Variants in SKAP2 observed in about 807,000 individuals in gnomAD.
The protein encoded by SKAP2 is src kinase associated phosphoprotein 2, also known as src kinase-associated phosphoprotein 2.
Under a neutral mutation model 54.9 loss-of-function variants are expected in SKAP2, and 28 were observed. The observed-to-expected ratio is 0.51, with a 90% CI of 0.38 to 0.70. The LOEUF is 0.70. Among genes scored for constraint, SKAP2 ranks in the 30% least tolerant of loss-of-function variants. The pLI is 0.00. For missense variants in SKAP2, 356 were observed against 424.1 expected, an observed-to-expected ratio of 0.84 and a Z score of 1.41; for synonymous variants, 137 against 134.3, an observed-to-expected ratio of 1.02 and a Z score of -0.14.
intron 2 of SKAP2, among the ~76,000 whole-genome samples, 186 bp downstream of exon 2, chr7:26,854,599 T>C (rs1785120831): frequency 6.6e-6 from 1 of 152,070 alleles, no homozygotes; most frequent in Non-Finnish European, 1.5e-5. Flanking sequence ...AAGGGTACTA[T>C]GATAAGCATA....
At chr7:26,680,812 T>G (rs909596930) in intron 11 of SKAP2, among the ~76,000 whole-genome samples, 5 of 152,156 alleles carry the variant, frequency 3.3e-5, no homozygotes, top group Non-Finnish European at 2.9e-5. Context: ...AGGGGCTATC[T>G]CAGCCAGGGG....
chr7:26,713,792 G>T (rs1787364223), intron 9 of SKAP2, among the ~76,000 whole-genome samples: 1 of 151,970 alleles, frequency 6.6e-6, no homozygotes. Context: ...GTAGAGACGG[G>T]GTTTCACTGT....
At chr7:26,658,117 G>A in the SKAP2 span, among the ~76,000 whole-genome samples, 3 of 152,140 alleles carry the variant, frequency 2.0e-5, no homozygotes, top group Admixed American at 2.0e-4. Context: ...CGCATGAAAA[G>A]GGGACATATC....
At chr7:26,770,487 G>A (rs768062490) in intron 4 of SKAP2, among the ~76,000 whole-genome samples, 1 of 152,098 alleles carries the variant, frequency 6.6e-6, no homozygotes, top group Non-Finnish European at 1.5e-5. Context: ...TGGTGTTCCA[G>A]GTGCCACTGG....
At chr7:26,836,412 C>A (rs1248261268) in intron 4 of SKAP2, among the ~76,000 whole-genome samples, 3 of 152,134 alleles carry the variant, frequency 2.0e-5, no homozygotes, top group African/African-American at 4.8e-5. Flanking sequence ...AGGCAACCTA[C>A]AGAATGGGAG....
At chr7:26,853,714 T>C (rs1436010967) in intron 3 of SKAP2, among the ~76,000 whole-genome samples, 5 of 152,178 alleles carry the variant, frequency 3.3e-5, no homozygotes, top group Non-Finnish European at 4.4e-5. Flanking sequence ...TCAAAAACAT[T>C]ACCTGTGAGC....
At chr7:26,706,870 C>T (rs142392043) in intron 9 of SKAP2, among the ~76,000 whole-genome samples, 39 of 152,246 alleles carry the variant, frequency 2.6e-4, no homozygotes, top group Middle Eastern at 3.4e-3. Context: ...TTAGTCTTAG[C>T]TTATAAAACC....
intron 3 of SKAP2, among the ~76,000 whole-genome samples, chr7:26,844,658 A>AT (rs1351223906): frequency 6.6e-6 from 1 of 152,184 alleles, no homozygotes; most frequent in Admixed American, 6.5e-5. Context: ...CATTTTATAC[A>AT]TTTTTAGAGA....
At chr7:26,790,361 G>A (rs1451608757) in intron 4 of SKAP2, among the ~76,000 whole-genome samples, 1 of 152,168 alleles carries the variant, frequency 6.6e-6, no homozygotes, top group Non-Finnish European at 1.5e-5. Context: ...ATGACTGACA[G>A]AAGAGCTACA....
rs1324472064 is a variant in SKAP2, at chr7:26,693,944, G to A, written c.797-3582C>T. On this transcript the variant is annotated intron_variant, in intron 9 of 12. Coordinates refer to ENST00000345317, the MANE Select transcript of SKAP2 (RefSeq NM_003930.5). ...AGAACTTGGCACAAAGGAGATGTTC[G>A]ATAAATACAGAATAAACAAATGGAT... Among the ~76,000 whole-genome samples the A allele has an allele frequency of 3.3e-5, 5 of 151,968 alleles. No individual in the cohort carries two copies. In the East Asian group the frequency reaches 7.7e-4, roughly 23 times the overall value.
At chr7:26,690,755 A>C (rs1369213531) in intron 9 of SKAP2, among the ~76,000 whole-genome samples, 2 of 152,222 alleles carry the variant, frequency 1.3e-5, no homozygotes, top group African/African-American at 4.8e-5. Flanking sequence ...AAATCCAGTA[A>C]AGTAACACCC....
At chr7:26,772,165 A>G (rs1732588252) in intron 4 of SKAP2, among the ~76,000 whole-genome samples, 1 of 152,228 alleles carries the variant, frequency 6.6e-6, no homozygotes, top group Admixed American at 6.5e-5. Context: ...TTAAGTCAAT[A>G]AACACTATAT....
chr7:26,794,523 A>G (rs1002839405), intron 4 of SKAP2, among the ~76,000 whole-genome samples: 2 of 152,164 alleles, frequency 1.3e-5, no homozygotes, highest in African/African-American at 4.8e-5. Flanking sequence ...CATTCAGGGG[A>G]GGTTGTTAAA....
rs887708614 is a variant in SKAP2 at position 26,669,250 on chromosome 7, C to A, written c.*416G>T. 4 of 152,166 alleles carry A rather than the reference C, an allele frequency of 2.6e-5. No homozygotes were observed. Among genetic ancestry groups the A allele is most frequent in the African/African-American group, 9.6e-5 (4 of 41,528 alleles). 9.4% of individuals were successfully genotyped at this position (152,166 alleles called of 1,614,324 possible). A position where few individuals can be genotyped will look rare whatever the true frequency, so the allele number is the denominator to read the frequency against. On this transcript the variant is annotated 3_prime_UTR_variant, in exon 13 of 13. Coordinates refer to ENST00000345317, the MANE Select transcript of SKAP2 (RefSeq NM_003930.5). ...CGCATGATACACTAAATTTAAAATG[C>A]TATGAAATTATACATTACTCTCTAA...
intron 4 of SKAP2, among the ~76,000 whole-genome samples, chr7:26,803,760 A>G (rs1205463957): frequency 6.6e-6 from 1 of 152,258 alleles, no homozygotes; most frequent in Non-Finnish European, 1.5e-5. Flanking sequence ...AATGTGGTAC[A>G]TATACACAAT....
intron 9 of SKAP2, among the ~76,000 whole-genome samples, chr7:26,711,548 C>T (rs962322713): frequency 1.3e-5 from 2 of 152,140 alleles, no homozygotes; most frequent in African/African-American, 4.8e-5. Flanking sequence ...TTGTTTAAGG[C>T]ATCTAGAGCT....
rs540756682 is a variant in SKAP2 at position 26,803,295 on chromosome 7, C to A, written c.307+40735G>T. Among the ~76,000 whole-genome samples the A allele has an allele frequency of 1.6e-4, 25 of 152,226 alleles. No homozygotes were observed. The South Asian group carries it at 3.7e-3, about 23-fold the overall frequency. On this transcript the variant is annotated intron_variant, in intron 4 of 12. Transcript: ENST00000345317. ...CAGGAAAAAAGCCTAACAATCCAAT[C>A]AAAAAATAGGCAAAACCTTTGAACA...
chr7:26,757,121 T>C (rs1355555199), intron 4 of SKAP2, among the ~76,000 whole-genome samples: 1 of 152,202 alleles, frequency 6.6e-6, no homozygotes, highest in Non-Finnish European at 1.5e-5. Flanking sequence ...ATTCTGTAGG[T>C]TGCCTGTTCA....
intron 4 of SKAP2, among the ~76,000 whole-genome samples, chr7:26,826,118 T>TACACACACACACACACACAC (rs10601131): frequency 1.3e-5 from 2 of 150,026 alleles, no homozygotes; most frequent in African/African-American, 4.9e-5. Flanking sequence ...ATTCGTGCAA[T>TACACACACACACACACACAC]ACACACACAC....
Sources: gnomAD v4.1 joint callset for allele counts (sites outside exome capture counted in the v4.1 genomes callset) on GRCh38, gnomAD v4.1.1 for gene constraint, MANE v1.5 for transcripts, NCBI Gene and HGNC (gene_info 2026-07-23, HGNC 2026-07-21) for gene names.